Variants in ROBO2 observed in about 807,000 individuals in gnomAD.
ROBO2 encodes roundabout homolog 2.
Under a neutral mutation model 160.8 loss-of-function variants are expected in ROBO2, and 53 were observed. The observed-to-expected ratio is 0.33, with a 90% confidence interval of 0.26 to 0.41. The LOEUF is 0.41. Among genes scored for constraint, ROBO2 ranks in the 10% least tolerant of loss-of-function variants. The pLI is 1.00. For missense variants in ROBO2, 1,577 were observed against 1,722.4 expected (o/e 0.92, Z 1.49); for synonymous variants, 664 against 611.7 (o/e 1.09, Z -1.26).
chr3:76,364,277 T>G (rs1215571556), intron 2 of ROBO2, among the ~76,000 whole-genome samples: 1 of 152,084 alleles, frequency 6.6e-6, no homozygotes, highest in African/African-American at 2.4e-5. Flanking sequence ...ATGACCCAAT[T>G]CAACTAGTAA....
intron 2 of ROBO2, among the ~76,000 whole-genome samples, chr3:77,395,360 A>G (rs548405729): frequency 5.6e-4 from 85 of 152,270 alleles, no homozygotes; most frequent in African/African-American, 1.8e-3. Context: ...CCTCATCCCC[A>G]AACAGATGTT....
chr3:76,306,683 G>A (rs1187190653), intron 2 of ROBO2, among the ~76,000 whole-genome samples: 1 of 152,072 alleles, frequency 6.6e-6, no homozygotes, highest in African/African-American at 2.4e-5. Flanking sequence ...AATTCTTAAG[G>A]ATATAAGCAT....
chr3:77,094,133 G>T (rs1488830601), intron 1 of ROBO2, among the ~76,000 whole-genome samples: 1 of 151,846 alleles, frequency 6.6e-6, no homozygotes, highest in Non-Finnish European at 1.5e-5. Context: ...GGCAGCACTT[G>T]CCCAGACCCC....
At chr3:77,546,345 A>G (rs1260989257) in exon 7 of ROBO2, 1 of 1,612,922 alleles carries the variant, frequency 6.2e-7, no homozygotes, top group Non-Finnish European at 8.5e-7. Context: ...TAGCTCCCCC[A>G]CAGTTTGTGG....
At chr3:76,068,836 AG>A (rs111986147) in intron 2 of ROBO2, among the ~76,000 whole-genome samples, 3,126 of 152,258 alleles carry the variant, frequency 0.021, 45 homozygotes, top group East Asian at 0.08. Flanking sequence ...TTCAACTTTT[AG>A]TCCTTTTCAC....
At chr3:77,187,154 A>T (rs566366638) in intron 2 of ROBO2, among the ~76,000 whole-genome samples, 1 of 152,032 alleles carries the variant, frequency 6.6e-6, no homozygotes, top group Non-Finnish European at 1.5e-5. Flanking sequence ...TAAATAAGAC[A>T]TCTATATTAA....
At chr3:76,479,205 A>G (rs958351588) in intron 2 of ROBO2, among the ~76,000 whole-genome samples, 1 of 152,192 alleles carries the variant, frequency 6.6e-6, no homozygotes, top group African/African-American at 2.4e-5. Context: ...TGTTAATGGT[A>G]TTCATGAAGC....
rs1433339752 is a variant in ROBO2 at position 77,270,861 on chromosome 3, T to G, written c.388+172521T>G. On this transcript the variant is annotated intron_variant, in intron 2 of 25. Coordinates refer to ENST00000461745, the Ensembl canonical transcript of ROBO2. ...GGGAGGCTGAGGCAGCAGAATCACT[T>G]GAACCTGGAAGGCGGAGCTTGCAGT... 3.9e-5 allele frequency among the ~76,000 whole-genome samples: 6 copies of G among 152,044 alleles called. No individual in the cohort carries two copies. In the South Asian group the frequency reaches 1.2e-3, roughly 31 times the overall value.
intron 2 of ROBO2, among the ~76,000 whole-genome samples, chr3:76,176,867 A>T (rs1015695671): frequency 6.6e-6 from 1 of 152,118 alleles, no homozygotes; most frequent in Non-Finnish European, 1.5e-5. Flanking sequence ...TTATAGTAGA[A>T]CACTCAAGTG....
At chr3:76,313,319 T>C (rs1490249490) in intron 2 of ROBO2, among the ~76,000 whole-genome samples, 2 of 152,256 alleles carry the variant, frequency 1.3e-5, no homozygotes, top group African/African-American at 4.8e-5. Flanking sequence ...TATTTATTTA[T>C]TCATGAGCTT....
At chr3:76,062,657 T>C (rs1032100836) in intron 2 of ROBO2, among the ~76,000 whole-genome samples, 3 of 152,158 alleles carry the variant, frequency 2.0e-5, no homozygotes, top group Non-Finnish European at 4.4e-5. Flanking sequence ...CAGAGAAGAA[T>C]TCATAAGGTG....
chr3:76,891,412 A>G (rs2074335624), intron 2 of ROBO2, among the ~76,000 whole-genome samples: 1 of 152,166 alleles, frequency 6.6e-6, no homozygotes, highest in Admixed American at 6.5e-5. Context: ...ATCAGATCCT[A>G]GTATCTCTTA....
rs1233105981 is a variant in ROBO2 at position 76,339,567 on chromosome 3, T to TA, written c.109+401966dup. ...GAACATGGGCGAGACACCTGCCCTC[T>TA]ATGTGTTAATTTCCTCTTCCATATG... On this transcript the variant is annotated intron_variant, in intron 2 of 26. Coordinates refer to the ROBO2 transcript ENST00000487694. Among the ~76,000 whole-genome samples the TA allele has an allele frequency of 2.6e-5, 4 of 152,272 alleles. 1 individual carries two copies. Among genetic ancestry groups the TA allele is most frequent in the South Asian group, 2.1e-4 (1 of 4,822 alleles).
intron 2 of ROBO2, among the ~76,000 whole-genome samples, chr3:77,332,372 G>A (rs1463825165): frequency 6.6e-6 from 1 of 152,088 alleles, no homozygotes; most frequent in Non-Finnish European, 1.5e-5. Flanking sequence ...CTTCATGATC[G>A]GGTCTGGTCC....
At chr3:75,972,096 G>C (rs2065012738) in intron 2 of ROBO2, among the ~76,000 whole-genome samples, 1 of 151,670 alleles carries the variant, frequency 6.6e-6, no homozygotes, top group East Asian at 2.0e-4. Flanking sequence ...TCAGTTATTT[G>C]TTCTTTTTTT....
chr3:77,109,275 A>G (rs1364903036), intron 2 of ROBO2, among the ~76,000 whole-genome samples: 1 of 152,236 alleles, frequency 6.6e-6, no homozygotes, highest in East Asian at 1.9e-4. Flanking sequence ...GGCAAGATGA[A>G]AAAGTTCTAG....
At chr3:76,617,743 G>C (rs546832903) in intron 2 of ROBO2, among the ~76,000 whole-genome samples, 4 of 152,064 alleles carry the variant, frequency 2.6e-5, no homozygotes, top group Non-Finnish European at 5.9e-5. Flanking sequence ...AAATATCCAA[G>C]ACTATGCAAT....
intron 2 of ROBO2, among the ~76,000 whole-genome samples, chr3:76,551,067 T>C (rs1329704163): frequency 6.6e-6 from 1 of 151,564 alleles, no homozygotes; most frequent in African/African-American, 2.4e-5. Context: ...CCAGGTGGAG[T>C]TGGTGGCCCA....
At chr3:76,926,225 T>C (rs2076981518) in intron 2 of ROBO2, among the ~76,000 whole-genome samples, 1 of 152,178 alleles carries the variant, frequency 6.6e-6, no homozygotes, top group African/African-American at 2.4e-5. Flanking sequence ...TGAAATTCCT[T>C]TGGTCGTACT....
Sources: gnomAD v4.1 joint callset for allele counts (sites outside exome capture counted in the v4.1 genomes callset) on GRCh38, gnomAD v4.1.1 for gene constraint, MANE v1.5 for transcripts, NCBI Gene and HGNC (gene_info 2026-07-23, HGNC 2026-07-21) for gene names.